CACNA1G: variants seen among roughly 807,000 people sequenced by gnomAD.
CACNA1G encodes voltage-dependent T-type calcium channel subunit alpha-1G.
Under a neutral mutation model 219.4 loss-of-function variants are expected in CACNA1G, and 67 were observed. That is an observed-to-expected ratio of 0.31 (90% CI 0.25 to 0.37). The LOEUF (loss-of-function observed/expected upper bound fraction) is 0.37. Ranked by LOEUF, CACNA1G falls within the 10% of genes least tolerant of loss-of-function variation. The probability of loss-of-function intolerance (pLI) is 1.00; values close to 1 mark genes in which losing one functional copy is unlikely to be tolerated. For missense variants in CACNA1G, 2,380 were observed against 3,231.4 expected (o/e 0.74, Z 6.39); for synonymous variants, 1,296 against 1,345.3 (o/e 0.96, Z 0.80).
At chr17:50,613,370 G>T (rs938226767) in intron 26 of CACNA1G, among the ~76,000 whole-genome samples, 31 of 152,172 alleles carry the variant, frequency 2.0e-4, no homozygotes, top group African/African-American at 6.5e-4. Flanking sequence ...GACCTCAGGG[G>T]CCGGGACCTG....
Position 50,619,005 on chromosome 17 carries a change from C to T in CACNA1G, c.5778C>T (p.Pro1926=), listed in dbSNP as rs757461603. Residue 1926 remains proline (P), a synonymous_variant, in exon 33 of 38, where the codon CCC becomes CCT. Transcript: ENST00000359106. ...RSASHFSLEH[P]TDRQLFDTIS... Reference sequence around the variant, plus strand: ...CCTCCCACTTTTCCCTGGAGCACCCCACGGTGAGCAGACACCCACCCCAGC... The same window carrying T: ...CCTCCCACTTTTCCCTGGAGCACCCTACGGTGAGCAGACACCCACCCCAGC... The T allele has an allele frequency of 6.6e-6, 10 of 1,519,542 alleles. No homozygotes were observed. Among genetic ancestry groups the T allele is most frequent in the Non-Finnish European group, 8.8e-6 (10 of 1,136,424 alleles). The allele number at this position is 1,519,542 out of a possible 1,614,324, so 94.1% of individuals were successfully genotyped here.
rs1490227236 is a variant in CACNA1G at position 50,619,674 on chromosome 17, G to A, written c.5782-9G>A. 6.2e-7 allele frequency: 1 copy of A among 1,606,696 alleles called. No homozygotes were observed. Among genetic ancestry groups the A allele is most frequent in the Non-Finnish European group, 8.5e-7 (1 of 1,178,248 alleles). ...CCTCTCCGGCTCCCCTTACGGGCTG[G>A]CTCCCCAGGACAGGCAGCTGTTTGA... On this transcript the variant is annotated splice_polypyrimidine_tract_variant and intron_variant, in intron 33 of 37. Coordinates refer to ENST00000359106, the MANE Select transcript of CACNA1G (RefSeq NM_018896.5).
intron 9 of CACNA1G, among the ~76,000 whole-genome samples, chr17:50,581,093 TGGAGACGG>T (rs1490887657): frequency 1.1e-5 from 1 of 93,510 alleles, no homozygotes; most frequent in Non-Finnish European, 2.3e-5. Flanking sequence ...GAGGGCAAGA[TGGAGACGG>T]GGGAGGAGGG....
chr17:50,588,580 G>A (rs916848900), intron 9 of CACNA1G, among the ~76,000 whole-genome samples: 8 of 152,166 alleles, frequency 5.3e-5, no homozygotes, highest in African/African-American at 9.7e-5. Flanking sequence ...CTGTGCTCAC[G>A]CCGGAGACAC....
At chr17:50,564,723 C>A (rs1298746049) in intron 1 of CACNA1G, among the ~76,000 whole-genome samples, 1 of 152,108 alleles carries the variant, frequency 6.6e-6, no homozygotes, top group African/African-American at 2.4e-5. Context: ...TTTCTGTCCT[C>A]AGAGGAAATG....
rs2045489466 is a variant in CACNA1G, at chr17:50,596,103, A to C, written c.2980-459A>C. ...GAGCTGTTCTGTCTGGGGTCTTTCA[A>C]TTTCCTTCCAGGGTCCTCGAGTCTG... On this transcript the variant is annotated intron_variant, in intron 14 of 37. Transcript: ENST00000359106. This position sits in a 1 kb window ranked among gnomAD's most constrained non-coding sequence, Gnocchi z 4.8. Among the ~76,000 whole-genome samples the C allele has an allele frequency of 6.6e-6, 1 of 152,050 alleles. No individual in the cohort carries two copies. Among genetic ancestry groups the C allele is most frequent in the South Asian group, 2.1e-4 (1 of 4,814 alleles).
chr17:50,573,976 C>G (rs2040027332), intron 7 of CACNA1G, among the ~76,000 whole-genome samples: 1 of 152,210 alleles, frequency 6.6e-6, no homozygotes, highest in Non-Finnish European at 1.5e-5. Flanking sequence ...TTATCTGACC[C>G]TACCAGACGC....
intron 9 of CACNA1G, among the ~76,000 whole-genome samples, chr17:50,583,267 C>T (rs755798344): frequency 6.6e-6 from 1 of 151,974 alleles, no homozygotes; most frequent in Admixed American, 6.6e-5. Context: ...GCTGACTGGC[C>T]CCAGACATTC....
rs763432483 is a variant in CACNA1G at position 50,599,602 on chromosome 17, A to G, written c.3433A>G (p.Ser1145Gly). Residue 1145 changes from serine to glycine, a missense_variant, in exon 17 of 38, where the codon AGC (serine) becomes GGC (glycine). By Grantham distance (56) the Ser-to-Gly change is moderately conservative. Transcript: ENST00000359106. ...CCAGGAGAGCCAGGATGAAGAGGAGAGCTCAGAAGAGGAGCGGGCCAGCCC... is the reference window on the plus strand; with the variant it reads ...CCAGGAGAGCCAGGATGAAGAGGAGGGCTCAGAAGAGGAGCGGGCCAGCCC... ...EGQESQDEEE[S>G]SEEERASPAG... The G allele has an allele frequency of 6.2e-7, 1 of 1,613,116 alleles. No homozygotes were observed. Among genetic ancestry groups the G allele is most frequent in the Non-Finnish European group, 8.5e-7 (1 of 1,179,656 alleles).
In CACNA1G at chr17:50,601,190, C is replaced by G; in HGVS notation, c.3915+16C>G. The G allele has an allele frequency of 1.9e-6, 3 of 1,613,212 alleles. 1 individual carries two copies. In the African/African-American group the frequency reaches 4.0e-5, roughly 21 times the overall value. Reference sequence around the variant, plus strand: ...CCACAGCGCTGTGAGTCACCAGCCCCGCTCAGGGCAAGGCCTCTCCTGGGG... The same window carrying G: ...CCACAGCGCTGTGAGTCACCAGCCCGGCTCAGGGCAAGGCCTCTCCTGGGG... On this transcript the variant is annotated intron_variant, in intron 19 of 37. Transcript: ENST00000359106.
chr17:50,605,845 G>A, intron 22 of CACNA1G, 53 bp from the exon 23 acceptor site: 2 of 1,606,520 alleles, frequency 1.2e-6, no homozygotes, highest in Non-Finnish European at 1.7e-6. Context: ...AGGAGTCCTG[G>A]GCTTCCTGTG....
chr17:50,596,098 T>C lies in CACNA1G; in HGVS notation c.2980-464T>C, dbSNP rs1275612019. Among the ~76,000 whole-genome samples, 3 of 152,118 alleles carry C rather than the reference T, an allele frequency of 2.0e-5. No homozygotes were observed. The highest frequency in any genetic ancestry group is 6.5e-5 in the Admixed American group (1 of 15,282). On this transcript the variant is annotated intron_variant, in intron 14 of 37. Coordinates refer to ENST00000359106, the MANE Select transcript of CACNA1G (RefSeq NM_018896.5). This position sits in a 1 kb window ranked among gnomAD's most constrained non-coding sequence, Gnocchi z 4.8. ...GGGCTGAGCTGTTCTGTCTGGGGTCTTTCAATTTCCTTCCAGGGTCCTCGA... is the reference window on the plus strand; with the variant it reads ...GGGCTGAGCTGTTCTGTCTGGGGTCCTTCAATTTCCTTCCAGGGTCCTCGA...
chr17:50,595,683 C>T (rs2045399124), intron 14 of CACNA1G, among the ~76,000 whole-genome samples: 1 of 152,398 alleles, frequency 6.6e-6, no homozygotes, highest in Admixed American at 6.5e-5. Flanking sequence ...CACGATGAGC[C>T]TGTGCTCTGC....
At position 50,621,623 on chromosome 17, in the gene CACNA1G, T is replaced by C; in HGVS notation, c.5926-37T>C. 6.2e-7 allele frequency: 1 copy of C among 1,609,412 alleles called. No individual in the cohort carries two copies. Among genetic ancestry groups the C allele is most frequent in the Non-Finnish European group, 8.5e-7 (1 of 1,176,640 alleles). On this transcript the variant is annotated intron_variant, in intron 34 of 37. Transcript: ENST00000359106. The surrounding 1 kb of genome is among the most constrained non-coding windows in gnomAD (Gnocchi z 4.6). ...GTGTGCACGCGCGTGTGCGCTGTCC[T>C]GGTTTCTCATGCCTGATCATCTCTC... is the stretch of plus-strand genomic sequence containing the variant.
chr17:50,577,746 C>T (rs931234680), intron 8 of CACNA1G, among the ~76,000 whole-genome samples: 16 of 152,062 alleles, frequency 1.1e-4, no homozygotes, highest in African/African-American at 2.9e-4. Flanking sequence ...ATCTGGAGCA[C>T]GTGTGCAGGT....
chr17:50,621,827 A>C lies in CACNA1G; in HGVS notation c.6060+33A>C, dbSNP rs1598803548. Reference sequence around the variant, plus strand: ...CACACTGCCCTCACTGCTCCCGGCCACCCCCGGGGCTGGACTGGCTGCAGG... The same window carrying C: ...CACACTGCCCTCACTGCTCCCGGCCCCCCCCGGGGCTGGACTGGCTGCAGG... On this transcript the variant is annotated intron_variant, in intron 35 of 37. Transcript: ENST00000359106. This position sits in a 1 kb window ranked among gnomAD's most constrained non-coding sequence, Gnocchi z 4.6. 1 of 1,609,356 alleles carries C rather than the reference A, an allele frequency of 6.2e-7. No homozygotes were observed. Among genetic ancestry groups the C allele is most frequent in the South Asian group, 1.1e-5 (1 of 90,948 alleles).
Position 50,606,034 on chromosome 17 carries a change from G to A in CACNA1G, c.4422+11G>A. On this transcript the variant is annotated intron_variant, in intron 23 of 37. Coordinates refer to ENST00000359106, the MANE Select transcript of CACNA1G (RefSeq NM_018896.5). ...GACAACCTTGGCCAGGTGAGCCCCA[G>A]GCTCAGAGGTGGGGCTGTGGTGAAG... 6.2e-7 allele frequency: 1 copy of A among 1,613,824 alleles called. No homozygotes were observed. The highest frequency in any genetic ancestry group is 1.3e-5 in the African/African-American group (1 of 75,066).
In CACNA1G at chr17:50,596,702, C is replaced by A; in HGVS notation, c.3065-28C>A. 1 of 1,612,780 alleles carries A rather than the reference C, an allele frequency of 6.2e-7. No homozygotes were observed. The highest frequency in any genetic ancestry group is 1.3e-5 in the African/African-American group (1 of 74,752). ...GCCCTGGGCCAGCCCTGTGTGGACT[C>A]GGGATCTCTCCCTCTCTCCCCGTGC... On this transcript the variant is annotated intron_variant, in intron 15 of 37. Coordinates refer to ENST00000359106, the MANE Select transcript of CACNA1G (RefSeq NM_018896.5). The surrounding 1 kb of genome is among the most constrained non-coding windows in gnomAD (Gnocchi z 4.8).
chr17:50,609,751 C>G (rs2048784414), intron 25 of CACNA1G, 131 bp from the exon 26 acceptor site: 2 of 698,796 alleles, frequency 2.9e-6, no homozygotes, highest in Non-Finnish European at 4.8e-6. Context: ...TCAGAGCCAG[C>G]CACCCAATGG....
Sources: allele counts gnomAD v4.1 joint callset (sites outside exome capture counted in the v4.1 genomes callset), GRCh38; gene constraint gnomAD v4.1.1; non-coding constraint Gnocchi (gnomAD v3.1); transcripts MANE v1.5; gene names NCBI Gene and HGNC (gene_info 2026-07-23, HGNC 2026-07-21).